Variants in PRKCE observed in about 807,000 individuals in gnomAD.
The protein encoded by PRKCE is protein kinase C epsilon type.
In PRKCE, 16 loss-of-function variants were observed where a neutral mutation model predicts 85.4. The ratio of observed to expected loss-of-function variants is 0.19; its 90% CI spans 0.13 to 0.28. The LOEUF is 0.28. PRKCE is among the 10% of genes least tolerant of loss of function. The pLI is 1.00. For synonymous variants in PRKCE, 388 were observed against 371.5 expected (o/e 1.04, Z -0.51); for missense variants, 573 against 975.2 (o/e 0.59, Z 5.49).
At chr2:46,122,472 T>C (rs142744625) in intron 11 of PRKCE, among the ~76,000 whole-genome samples, 60 of 152,110 alleles carry the variant, frequency 3.9e-4, no homozygotes, top group African/African-American at 1.4e-3. Context: ...AAGTGATCCA[T>C]CCACCTTGGC....
At chr2:45,904,850 A>T (rs566894439) in intron 2 of PRKCE, among the ~76,000 whole-genome samples, 23 of 152,076 alleles carry the variant, frequency 1.5e-4, no homozygotes, top group African/African-American at 5.1e-4. Flanking sequence ...GGGACCCATG[A>T]GAGGGGGGCT....
At chr2:45,962,614 AC>A (rs1451206466) in intron 2 of PRKCE, among the ~76,000 whole-genome samples, 1 of 152,152 alleles carries the variant, frequency 6.6e-6, no homozygotes, top group Non-Finnish European at 1.5e-5. Context: ...TTTTTTCCTC[AC>A]ACAGTGACTA....
At chr2:45,703,130 T>G (rs776435803) in intron 1 of PRKCE, among the ~76,000 whole-genome samples, 1 of 152,102 alleles carries the variant, frequency 6.6e-6, no homozygotes, top group Non-Finnish European at 1.5e-5. Context: ...TATTTATTTT[T>G]TTTTTTTGTA....
intron 1 of PRKCE, among the ~76,000 whole-genome samples, chr2:45,827,775 A>T (rs1011320445): frequency 6.6e-6 from 1 of 152,218 alleles, no homozygotes; most frequent in African/African-American, 2.4e-5. Flanking sequence ...TAAAAGTCTT[A>T]AAAATTTGAT....
chr2:45,726,779 A>G (rs971626954), intron 1 of PRKCE, among the ~76,000 whole-genome samples: 2 of 152,192 alleles, frequency 1.3e-5, no homozygotes, highest in African/African-American at 2.4e-5. Flanking sequence ...TACTGATCCT[A>G]TTGCCTCGGT....
chr2:45,919,628 A>G (rs1364621784), intron 2 of PRKCE, among the ~76,000 whole-genome samples: 3 of 152,226 alleles, frequency 2.0e-5, no homozygotes, highest in Non-Finnish European at 4.4e-5. Context: ...GGCCACCAGG[A>G]GACAAAGGCC....
At chr2:45,928,408 C>T (rs978827461) in intron 2 of PRKCE, among the ~76,000 whole-genome samples, 1 of 152,174 alleles carries the variant, frequency 6.6e-6, no homozygotes, top group African/African-American at 2.4e-5. Context: ...GCTGGGATTA[C>T]AGGCACACAC....
intron 1 of PRKCE, among the ~76,000 whole-genome samples, chr2:45,683,917 G>T (rs1047551529): frequency 1.3e-5 from 2 of 152,152 alleles, no homozygotes; most frequent in African/African-American, 2.4e-5. Context: ...CATTTCTTGT[G>T]GTGGGGGACA....
At chr2:46,056,751 ATTCTC>A (rs762535323) in intron 10 of PRKCE, among the ~76,000 whole-genome samples, 6 of 152,300 alleles carry the variant, frequency 3.9e-5, no homozygotes, top group Middle Eastern at 3.4e-3. Context: ...CAGGGCTGAA[ATTCTC>A]TTCTCTTATT....
At chr2:46,053,322 C>T (rs571590150) in intron 10 of PRKCE, among the ~76,000 whole-genome samples, 1 of 152,236 alleles carries the variant, frequency 6.6e-6, no homozygotes, top group Non-Finnish European at 1.5e-5. Flanking sequence ...AAGTTACTCC[C>T]CCCCGATTAT....
At chr2:45,749,743 A>T (rs1683399707) in intron 1 of PRKCE, among the ~76,000 whole-genome samples, 1 of 152,230 alleles carries the variant, frequency 6.6e-6, no homozygotes, top group African/African-American at 2.4e-5. Context: ...CTGGTAGATG[A>T]TGGAACCAGA....
Position 45,666,591 on chromosome 2 carries a change from T to C in PRKCE, c.348+14143T>C, listed in dbSNP as rs558508465. 7.5e-4 allele frequency among the ~76,000 whole-genome samples: 114 copies of C among 152,104 alleles called. 1 individual carries two copies. Among genetic ancestry groups the C allele is most frequent in the Non-Finnish European group, 8.8e-4 (60 of 67,980 alleles). On this transcript the variant is annotated intron_variant, in intron 1 of 14. Coordinates refer to ENST00000306156, the MANE Select transcript of PRKCE (RefSeq NM_005400.3). Reference sequence around the variant, plus strand: ...ATCCCTGGGATACTCTAACCAGCCATCCAAATCCCCTTCTCTTTGGGCGAT... The same window carrying C: ...ATCCCTGGGATACTCTAACCAGCCACCCAAATCCCCTTCTCTTTGGGCGAT...
intron 6 of PRKCE, among the ~76,000 whole-genome samples, chr2:45,986,142 C>T (rs1378454875): frequency 6.6e-6 from 1 of 152,198 alleles, no homozygotes; most frequent in Non-Finnish European, 1.5e-5. Flanking sequence ...TAATTTTTAA[C>T]AGTTTTATAA....
chr2:45,832,683 C>T (rs191002428), intron 1 of PRKCE, among the ~76,000 whole-genome samples: 42 of 152,170 alleles, frequency 2.8e-4, no homozygotes. Flanking sequence ...CTACAGATCT[C>T]CCAGAGCTCA....
At chr2:45,687,644 A>G (rs544843860) in intron 1 of PRKCE, among the ~76,000 whole-genome samples, 19 of 152,318 alleles carry the variant, frequency 1.2e-4, no homozygotes, top group African/African-American at 4.1e-4. Context: ...TCATTACTCT[A>G]TGTTTCATTT....
chr2:46,004,812 C>T lies in PRKCE; in HGVS notation c.1063+174C>T, dbSNP rs1558947710. Among the ~76,000 whole-genome samples, 2 of 152,188 alleles carry T rather than the reference C, an allele frequency of 1.3e-5. No homozygotes were observed. Among genetic ancestry groups the T allele is most frequent in the Admixed American group, 6.5e-5 (1 of 15,284 alleles). ...TAACAGTTCTTTCATTCTCCAAGACCTTCTTGAGGGCTGGGCACTCCATGG... is the reference window on the plus strand; with the variant it reads ...TAACAGTTCTTTCATTCTCCAAGACTTTCTTGAGGGCTGGGCACTCCATGG... On this transcript the variant is annotated intron_variant, in intron 8 of 14. Coordinates refer to ENST00000306156, the MANE Select transcript of PRKCE (RefSeq NM_005400.3). The surrounding 1 kb of genome is among the most constrained non-coding windows in gnomAD (Gnocchi z 4.1).
chr2:45,886,268 C>T (rs1695296245), intron 2 of PRKCE, among the ~76,000 whole-genome samples: 1 of 152,188 alleles, frequency 6.6e-6, no homozygotes, highest in South Asian at 2.1e-4. Flanking sequence ...TCAACTGTCC[C>T]AATTCCTAAC....
chr2:46,115,451 C>T (rs1468521050), intron 11 of PRKCE, among the ~76,000 whole-genome samples: 3 of 152,186 alleles, frequency 2.0e-5, no homozygotes, highest in Admixed American at 6.5e-5. Context: ...AGATTTGAGC[C>T]ACCAAACACA....
At chr2:46,112,546 C>T (rs114227243) in intron 11 of PRKCE, among the ~76,000 whole-genome samples, 1,574 of 151,444 alleles carry the variant, frequency 0.01, 39 homozygotes, top group African/African-American at 0.036. Context: ...GACAGAGTCT[C>T]ACCTTGTCAC....
Sources: gnomAD v4.1 joint callset for allele counts (sites outside exome capture counted in the v4.1 genomes callset) on GRCh38, gnomAD v4.1.1 for gene constraint, Gnocchi (gnomAD v3.1) non-coding constraint, MANE v1.5 for transcripts, NCBI Gene and HGNC (gene_info 2026-07-23, HGNC 2026-07-21) for gene names.